Variants in PHF3 observed in about 807,000 individuals in gnomAD.
PHF3 encodes PHD finger protein 3.
In PHF3, 41 loss-of-function variants were observed where a neutral mutation model predicts 178.4. The observed-to-expected ratio is 0.23, with a 90% CI of 0.18 to 0.30. The LOEUF is 0.30. Ranked by LOEUF, PHF3 falls within the 10% of genes least tolerant of loss-of-function variation. The probability of loss-of-function intolerance (pLI) is 1.00; values close to 1 mark genes in which losing one functional copy is unlikely to be tolerated. For synonymous variants in PHF3, 842 were observed against 800.5 expected, an observed-to-expected ratio of 1.05 and a Z score of -0.88; for missense variants, 2,346 against 2,398.1, an observed-to-expected ratio of 0.98 and a Z score of 0.45.
intron 2 of PHF3, among the ~76,000 whole-genome samples, chr6:63,651,585 C>T (rs1198432657): frequency 1.3e-5 from 2 of 152,136 alleles, no homozygotes; most frequent in Non-Finnish European, 2.9e-5. Flanking sequence ...TGGTCTTGAA[C>T]TCCTGACCTC....
rs1768431346 is a variant in PHF3, at chr6:63,722,323, A to G, written c.*8615A>G. Among the ~76,000 whole-genome samples, 1 of 152,040 alleles carries G rather than the reference A, an allele frequency of 6.6e-6. No individual in the cohort carries two copies. Among genetic ancestry groups the G allele is most frequent in the Non-Finnish European group, 1.5e-5 (1 of 67,996 alleles). ...ATTCCACCTCAACTAGATAACTCCT[A>G]CCTGTCCTTCAGGTTTCAGATCAAG... is the stretch of plus-strand genomic sequence containing the variant. On this transcript the variant is annotated 3_prime_UTR_variant, in exon 16 of 16. Transcript: ENST00000262043.
rs1361830672 is a variant in PHF3, at chr6:63,712,812, G to C, written c.5224G>C (p.Asp1742His). The change falls in exon 16 of 16, where the codon GAT (aspartate) becomes CAT (histidine). Residue 1742 changes from aspartate to histidine, a missense_variant. Asp to His is a moderately conservative substitution (Grantham distance 81). Around this residue, in one of 8 missense-constraint regions of PHF3, gnomAD observed 839 missense variants for 806.9 expected, o/e 1.04. Coordinates refer to ENST00000262043, the MANE Select transcript of PHF3 (RefSeq NM_001370348.2). The stretch of plus-strand genomic sequence containing the variant: ...AGAACAAGCAAAACCCTTACAGGAG[G>C]ATATTTTAATGCAAAATATTGAAAC... ...QAEQAKPLQE[D>H]ILMQNIETVH... 6.2e-7 allele frequency: 1 copy of C among 1,613,860 alleles called. No individual in the cohort carries two copies.
At position 63,641,152 on chromosome 6, in the gene PHF3, C is replaced by A. The variant is rs548249220; in HGVS notation, c.-26+5002C>A. Among the ~76,000 whole-genome samples the A allele has an allele frequency of 2.0e-5, 3 of 152,286 alleles. No homozygotes were observed. The South Asian group carries it at 6.2e-4, about 32-fold the overall frequency. ...GCCTGATGAAATTGCTTATTTTAAA[C>A]GATGGTATGGGGGCTGAAGGCATCA... On this transcript the variant is annotated intron_variant, in intron 1 of 15. Transcript: ENST00000262043.
At chr6:63,698,154 A>T in intron 6 of PHF3, 69 bp from the exon 7 acceptor site, 1 of 1,281,554 alleles carries the variant, frequency 7.8e-7, no homozygotes, top group Non-Finnish European at 1.1e-6. Context: ...TTGTTTGTAA[A>T]CTTATTCATT....
chr6:63,639,110 C>T (rs1220848446), intron 1 of PHF3, among the ~76,000 whole-genome samples: 1 of 152,040 alleles, frequency 6.6e-6, no homozygotes, highest in Non-Finnish European at 1.5e-5. Flanking sequence ...GCATAATGTG[C>T]TTAATTTAGA....
At position 63,722,671 on chromosome 6, in the gene PHF3, T is replaced by C. The variant is rs1768450292; in HGVS notation, c.*8963T>C. On this transcript the variant is annotated 3_prime_UTR_variant, in exon 16 of 16. Coordinates refer to ENST00000262043, the MANE Select transcript of PHF3 (RefSeq NM_001370348.2). ...GAAACATTTTCTTCTCCCTCTGAAA[T>C]TTCCCAACCTTTTTCTTTTCTCATC... is the stretch of plus-strand genomic sequence containing the variant. Among the ~76,000 whole-genome samples, 1 of 152,186 alleles carries C rather than the reference T, an allele frequency of 6.6e-6. No homozygotes were observed. The highest frequency in any genetic ancestry group is 1.5e-5 in the Non-Finnish European group (1 of 68,024).
Position 63,709,142 on chromosome 6 carries a change from T to C in PHF3, c.3712-9T>C. 1 of 1,433,362 alleles carries C rather than the reference T, an allele frequency of 7.0e-7. No homozygotes were observed. The highest frequency in any genetic ancestry group is 9.5e-7 in the Non-Finnish European group (1 of 1,052,030). The allele number at this position is 1,433,362 out of a possible 1,614,324, so 88.8% of individuals were successfully genotyped here. A position where few individuals can be genotyped will look rare whatever the true frequency, so the allele number is the denominator to read the frequency against. On this transcript the variant is annotated splice_polypyrimidine_tract_variant and intron_variant, in intron 13 of 15. Transcript: ENST00000262043. ...TATATTGATCTCTTTTTTTTTTTTTTAACCATAGGACCTACCAGATAGTAT... is the reference window on the plus strand; with the variant it reads ...TATATTGATCTCTTTTTTTTTTTTTCAACCATAGGACCTACCAGATAGTAT...
chr6:63,658,764 C>CGA (rs374928745), intron 2 of PHF3, among the ~76,000 whole-genome samples: 1 of 135,902 alleles, frequency 7.4e-6, no homozygotes, highest in East Asian at 2.1e-4. Flanking sequence ...GTGTTTATAA[C>CGA]GAGAGAGAGA....
At chr6:63,642,164 A>C (rs1341214224) in intron 1 of PHF3, among the ~76,000 whole-genome samples, 1 of 152,188 alleles carries the variant, frequency 6.6e-6, no homozygotes, top group Non-Finnish European at 1.5e-5. Context: ...TTGTATTCTG[A>C]GTCTTTATAA....
chr6:63,719,958 A>T lies in PHF3; in HGVS notation c.*6250A>T, dbSNP rs1024814939. The stretch of plus-strand genomic sequence containing the variant: ...TATGTTTTAAGTTGCACATATTGTA[A>T]TATCTATTGATGTCTTACTATAAAA... On this transcript the variant is annotated 3_prime_UTR_variant, in exon 16 of 16. Coordinates refer to ENST00000262043, the MANE Select transcript of PHF3 (RefSeq NM_001370348.2). The T allele has an allele frequency of 1.3e-5, 2 of 152,026 alleles. No individual in the cohort carries two copies. Among genetic ancestry groups the T allele is most frequent in the African/African-American group, 4.8e-5 (2 of 41,412 alleles). The allele number at this position is 152,026 out of a possible 1,614,324, so 9.4% of individuals were successfully genotyped here. A position where few individuals can be genotyped will look rare whatever the true frequency, so the allele number is the denominator to read the frequency against.
intron 8 of PHF3, among the ~76,000 whole-genome samples, chr6:63,699,367 G>A (rs974348782): frequency 1.3e-5 from 2 of 152,162 alleles, no homozygotes; most frequent in Non-Finnish European, 2.9e-5. Context: ...AACAGAATGT[G>A]ATTAGATGCA....
rs755724145 is a variant in PHF3, at chr6:63,706,739, C to T, written c.3574C>T (p.Pro1192Ser). ...TFSPAPRPEM[P>S]GTVEVESTFL... is the part of the protein sequence containing the mutation. ...AATGTCATTTTCTAGTCCAGAGATG[C>T]CTGGAACTGTTGAAGTTGAGTCTAC... The change falls in exon 13 of 16, where the codon CCT becomes TCT. Residue 1192 changes from proline (P) to serine (S), a missense_variant. Around this residue, in one of 8 missense-constraint regions of PHF3, gnomAD observed 205 missense variants for 212.4 expected, o/e 0.97. Coordinates refer to ENST00000262043, the MANE Select transcript of PHF3 (RefSeq NM_001370348.2). The T allele has an allele frequency of 3.7e-6, 6 of 1,613,430 alleles. No individual in the cohort carries two copies. Among genetic ancestry groups the T allele is most frequent in the Non-Finnish European group, 5.1e-6 (6 of 1,179,670 alleles).
rs780270003 is a variant in PHF3, at chr6:63,646,728, A to G, written c.177A>G (p.Ala59=). The change falls in exon 2 of 16, where the codon GCA becomes GCG. Residue 59 remains alanine (A), a synonymous_variant. Coordinates refer to ENST00000262043, the MANE Select transcript of PHF3 (RefSeq NM_001370348.2). ...LSDKDPMLGS[A]SNQFCLPVLD... is the part of the protein sequence containing the mutation. Reference sequence around the variant, plus strand: ...ATAAGGATCCTATGCTAGGATCTGCAAGTAACCAGTTCTGTTTGCCTGTTT... The same window carrying G: ...ATAAGGATCCTATGCTAGGATCTGCGAGTAACCAGTTCTGTTTGCCTGTTT... The G allele has an allele frequency of 6.2e-7, 1 of 1,612,864 alleles. No homozygotes were observed. Among genetic ancestry groups the G allele is most frequent in the Non-Finnish European group, 8.5e-7 (1 of 1,179,558 alleles).
At chr6:63,646,975 A>G (rs1764817941) in intron 2 of PHF3, among the ~76,000 whole-genome samples, 180 bp downstream of exon 2, 1 of 149,960 alleles carries the variant, frequency 6.7e-6, no homozygotes, top group South Asian at 2.1e-4. Flanking sequence ...ATTAAAATTT[A>G]AACTAAATTT....
chr6:63,653,735 C>G (rs1370105750), intron 2 of PHF3, among the ~76,000 whole-genome samples: 1 of 152,126 alleles, frequency 6.6e-6, no homozygotes, highest in African/African-American at 2.4e-5. Context: ...GAAAAACTTT[C>G]AACTTTCCCC....
intron 12 of PHF3, 77 bp downstream of exon 12, chr6:63,706,301 A>G (rs1582115412): frequency 8.8e-7 from 1 of 1,139,578 alleles, no homozygotes; most frequent in Non-Finnish European, 1.2e-6. Flanking sequence ...CTTCAAAAAC[A>G]GAAAAGTGAC....
chr6:63,638,420 G>C (rs1404487605), intron 1 of PHF3, among the ~76,000 whole-genome samples: 2 of 151,976 alleles, frequency 1.3e-5, no homozygotes, highest in Admixed American at 6.5e-5. Flanking sequence ...ATGGTGGGAT[G>C]GTGTTTGCTT....
chr6:63,641,526 GTA>G lies in PHF3; in HGVS notation c.-25-4999_-25-4998del, dbSNP rs746930582. Among the ~76,000 whole-genome samples, 783 of 112,228 alleles carry G rather than the reference GTA, an allele frequency of 7.0e-3. 5 individuals are homozygous for G. The highest frequency in any genetic ancestry group is 0.013 in the South Asian group (41 of 3,204). The allele number at this position is 112,228 out of a possible 152,430, so 73.6% of individuals were successfully genotyped here. A position where few individuals can be genotyped will look rare whatever the true frequency, so the allele number is the denominator to read the frequency against. On this transcript the variant is annotated intron_variant, in intron 1 of 15. Transcript: ENST00000262043. ...GCTTTAGTGATTTATTGTTAGGTGT[GTA>G]TGTGTGTGTGTGTGTGTGTGTGTGT...
chr6:63,702,729 A>C (rs911803964), intron 10 of PHF3, 90 bp downstream of exon 10: 1 of 1,246,178 alleles, frequency 8.0e-7, no homozygotes, highest in Admixed American at 2.2e-5. Context: ...AGAGAAAAGA[A>C]TTTTAAAATA....
Sources: allele counts gnomAD v4.1 joint callset (sites outside exome capture counted in the v4.1 genomes callset), GRCh38; gene constraint gnomAD v4.1.1; regional missense constraint gnomAD v4.1.1; transcripts MANE v1.5; gene names NCBI Gene and HGNC (gene_info 2026-07-23, HGNC 2026-07-21).